Variants in PPP1R12A observed in about 807,000 individuals in gnomAD.
PPP1R12A encodes the protein protein phosphatase 1 regulatory subunit 12A.
In PPP1R12A, 19 loss-of-function variants were observed where a neutral mutation model predicts 139.6. The ratio of observed to expected loss-of-function variants is 0.14; its 90% confidence interval spans 0.09 to 0.20. PPP1R12A has a LOEUF of 0.20. Among genes scored for constraint, PPP1R12A ranks in the 10% least tolerant of loss-of-function variants. PPP1R12A has a pLI of 1.00. For missense variants in PPP1R12A, 925 were observed against 1,211.5 expected (o/e 0.76, Z 3.51); for synonymous variants, 427 against 420.6 (o/e 1.02, Z -0.19).
At chr12:79,927,407 A>G (rs1422072095) in intron 1 of PPP1R12A, among the ~76,000 whole-genome samples, 1 of 152,208 alleles carries the variant, frequency 6.6e-6, no homozygotes, top group East Asian at 1.9e-4. Context: ...GAATTCTGAG[A>G]TTAATTTAGA....
chr12:79,923,893 A>C (rs1023400656), intron 1 of PPP1R12A, among the ~76,000 whole-genome samples: 3 of 151,806 alleles, frequency 2.0e-5, no homozygotes, highest in Non-Finnish European at 4.4e-5. Flanking sequence ...AAATAAGAAA[A>C]ATTAGCCGGG....
At chr12:79,793,025 G>A (rs915450261) in intron 19 of PPP1R12A, among the ~76,000 whole-genome samples, 1 of 152,116 alleles carries the variant, frequency 6.6e-6, no homozygotes, top group Admixed American at 6.6e-5. Context: ...CATTACTGTA[G>A]ATCCTTGCTG....
At chr12:79,928,164 T>C (rs1358971733) in intron 1 of PPP1R12A, among the ~76,000 whole-genome samples, 1 of 152,246 alleles carries the variant, frequency 6.6e-6, no homozygotes, top group Non-Finnish European at 1.5e-5. Context: ...TGAAAAACAC[T>C]TCCTCTATTC....
chr12:79,934,662 C>CG, intron 1 of PPP1R12A, 33 bp downstream of exon 1: 1 of 1,491,306 alleles, frequency 6.7e-7, no homozygotes. Flanking sequence ...AGAACCCTCA[C>CG]GGTCAGGAGA....
At chr12:79,835,442 T>C (rs1181603694) in intron 3 of PPP1R12A, among the ~76,000 whole-genome samples, 1 of 152,124 alleles carries the variant, frequency 6.6e-6, no homozygotes, top group Non-Finnish European at 1.5e-5. Flanking sequence ...GTTCTGTCTC[T>C]ATGGAGAAGC....
At chr12:79,885,565 A>G (rs1884027596) in intron 1 of PPP1R12A, among the ~76,000 whole-genome samples, 1 of 152,162 alleles carries the variant, frequency 6.6e-6, no homozygotes, top group Non-Finnish European at 1.5e-5. Flanking sequence ...AAGTTTTAAA[A>G]GATGCCCTAA....
chr12:79,800,317 T>C (rs558746610), intron 14 of PPP1R12A, among the ~76,000 whole-genome samples: 8 of 152,264 alleles, frequency 5.3e-5, no homozygotes, highest in African/African-American at 1.7e-4. Context: ...CTCTTCCTCC[T>C]CAGTGTGAAG....
intron 3 of PPP1R12A, among the ~76,000 whole-genome samples, chr12:79,833,534 G>A (rs573541797): frequency 6.6e-6 from 1 of 151,888 alleles, no homozygotes; most frequent in African/African-American, 2.4e-5. Context: ...CAAAGCAAAG[G>A]GAGATCAGAG....
At chr12:79,834,836 C>T (rs1327060805) in intron 3 of PPP1R12A, among the ~76,000 whole-genome samples, 1 of 152,180 alleles carries the variant, frequency 6.6e-6, no homozygotes, top group Non-Finnish European at 1.5e-5. Flanking sequence ...TGTTTTCCTA[C>T]ACTAAGTGCC....
chr12:79,891,578 T>C (rs1884644933), intron 1 of PPP1R12A, among the ~76,000 whole-genome samples: 1 of 152,208 alleles, frequency 6.6e-6, no homozygotes, highest in Non-Finnish European at 1.5e-5. Flanking sequence ...AGGTAGCCTC[T>C]AAGGTGGCAA....
intron 18 of PPP1R12A, 41 bp downstream of exon 18, chr12:79,795,597 T>G: frequency 6.4e-7 from 1 of 1,571,404 alleles, no homozygotes; most frequent in East Asian, 2.3e-5. Flanking sequence ...AAGAATACTA[T>G]CAAGAATACT....
At chr12:79,816,535 G>A (rs545970015) in intron 9 of PPP1R12A, among the ~76,000 whole-genome samples, 22 of 152,018 alleles carry the variant, frequency 1.4e-4, no homozygotes, top group Non-Finnish European at 2.6e-4. Flanking sequence ...ACTCTTAATC[G>A]TTAATTTGGG....
chr12:79,898,428 C>T (rs1232938188), intron 1 of PPP1R12A, among the ~76,000 whole-genome samples: 2 of 152,256 alleles, frequency 1.3e-5, no homozygotes, highest in East Asian at 3.9e-4. Context: ...GGCACTCCAG[C>T]CTGATGACAG....
chr12:79,852,580 T>C (rs1220479943), intron 2 of PPP1R12A, among the ~76,000 whole-genome samples: 1 of 152,172 alleles, frequency 6.6e-6, no homozygotes, highest in Non-Finnish European at 1.5e-5. Context: ...GTTGGCTTTG[T>C]TTGATTTTGC....
chr12:79,785,590 C>A (rs546800460), intron 22 of PPP1R12A, among the ~76,000 whole-genome samples: 1 of 152,108 alleles, frequency 6.6e-6, no homozygotes, highest in Non-Finnish European at 1.5e-5. Context: ...TGCAGAAATA[C>A]GTTTATGCTA....
intron 17 of PPP1R12A, among the ~76,000 whole-genome samples, chr12:79,796,156 A>G (rs1383566063): frequency 6.6e-6 from 1 of 152,110 alleles, no homozygotes; most frequent in African/African-American, 2.4e-5. Flanking sequence ...ATTACTACTG[A>G]TATTATCATG....
Position 79,891,861 on chromosome 12 carries a change from T to C in PPP1R12A, c.238-18923A>G, listed in dbSNP as rs149386307. 3.7e-4 allele frequency among the ~76,000 whole-genome samples: 56 copies of C among 152,182 alleles called. 1 individual carries two copies. The Middle Eastern group carries it at 0.024, about 65-fold the overall frequency. ...AAGCAAGGCCTGCCAATAACATAAGTGAACTTGGAAGCAGATCCCCACCCT... is the reference window on the plus strand; with the variant it reads ...AAGCAAGGCCTGCCAATAACATAAGCGAACTTGGAAGCAGATCCCCACCCT... On this transcript the variant is annotated intron_variant, in intron 1 of 24. Coordinates refer to ENST00000450142, the MANE Select transcript of PPP1R12A (RefSeq NM_002480.3).
At chr12:79,782,488 A>G (rs542649861) in intron 22 of PPP1R12A, 110 of 434,244 alleles carry the variant, frequency 2.5e-4, no homozygotes, top group South Asian at 1.8e-3. Flanking sequence ...TTCCTGTACT[A>G]TCTGACCAGC....
rs1356631664 is a variant in PPP1R12A, at chr12:79,808,523, G to T, written c.1510C>A (p.Arg504=). Residue 504 remains arginine, a synonymous_variant, in exon 11 of 25, where the codon CGA becomes AGA. Transcript: ENST00000450142. ...TCAATGTCAGATGTACTGGCTAGTCGTCTTGGTATTGTAGGTGCAACATAT... is the reference window on the plus strand; with the variant it reads ...TCAATGTCAGATGTACTGGCTAGTCTTCTTGGTATTGTAGGTGCAACATAT... The part of the protein sequence containing the change: ...LAYVAPTIPR[R]LASTSDIEEK... The T allele has an allele frequency of 6.2e-7, 1 of 1,609,394 alleles. No homozygotes were observed. The highest frequency in any genetic ancestry group is 8.5e-7 in the Non-Finnish European group (1 of 1,176,716).
Sources: allele counts gnomAD v4.1 joint callset (sites outside exome capture counted in the v4.1 genomes callset), GRCh38; gene constraint gnomAD v4.1.1; transcripts MANE v1.5; gene names NCBI Gene and HGNC (gene_info 2026-07-23, HGNC 2026-07-21).